GALNT7: variants seen among roughly 807,000 people sequenced by gnomAD.
GALNT7 encodes polypeptide N-acetylgalactosaminyltransferase 7.
GALNT7 carries 60 observed loss-of-function variants against 82.1 expected under a neutral mutation model. That is an observed-to-expected ratio of 0.73 (90% CI 0.59 to 0.91). The LOEUF is 0.91. Among genes scored for constraint, GALNT7 ranks in the 40% least tolerant of loss-of-function variants. The pLI, the probability that GALNT7 is intolerant of heterozygous loss-of-function variation, is 0.00. For synonymous variants in GALNT7, 243 were observed against 275.1 expected, an observed-to-expected ratio of 0.88 and a Z score of 1.15; for missense variants, 660 against 804.2, an observed-to-expected ratio of 0.82 and a Z score of 2.17.
intron 2 of GALNT7, among the ~76,000 whole-genome samples, chr4:173,272,560 G>A (rs1264322432): frequency 6.6e-6 from 1 of 152,058 alleles, no homozygotes; most frequent in Non-Finnish European, 1.5e-5. Context: ...TGACTCACTC[G>A]CCTCAGAAAG....
chr4:173,177,617 C>G (rs981955699), intron 1 of GALNT7, among the ~76,000 whole-genome samples: 1 of 152,146 alleles, frequency 6.6e-6, no homozygotes, highest in African/African-American at 2.4e-5. Context: ...ACGATATTGC[C>G]TAACCGTGAG....
chr4:173,168,832 G>A lies in GALNT7; in HGVS notation c.-4G>A, dbSNP rs200985806. ...GGCTGTGAGTCTCTCGCCGCCGGAG[G>A]AAGATGAGGCTGAAGATTGGGTTCA... is the stretch of plus-strand genomic sequence containing the variant. On this transcript the variant is annotated 5_prime_UTR_variant, in exon 1 of 12. Coordinates refer to ENST00000265000, the MANE Select transcript of GALNT7 (RefSeq NM_017423.3). 3.7e-6 allele frequency: 6 copies of A among 1,612,646 alleles called. No individual in the cohort carries two copies. The African/African-American group carries it at 4.0e-5, about 11-fold the overall frequency.
At chr4:173,196,892 C>A (rs1471518019) in intron 1 of GALNT7, among the ~76,000 whole-genome samples, 1 of 152,122 alleles carries the variant, frequency 6.6e-6, no homozygotes, top group Non-Finnish European at 1.5e-5. Context: ...GAGACACTTT[C>A]ACATTTGGAT....
chr4:173,174,282 T>C (rs1485363709), intron 1 of GALNT7, among the ~76,000 whole-genome samples: 1 of 152,194 alleles, frequency 6.6e-6, no homozygotes, highest in Non-Finnish European at 1.5e-5. Context: ...AGGTTGATAA[T>C]CAGAAGCTTT....
intron 1 of GALNT7, among the ~76,000 whole-genome samples, chr4:173,215,719 A>G (rs898117388): frequency 2.2e-4 from 34 of 152,090 alleles, no homozygotes; most frequent in African/African-American, 8.2e-4. Flanking sequence ...TATAAAATCC[A>G]CTCTTCTTTT....
At chr4:173,244,364 T>C (rs1734540504) in intron 1 of GALNT7, among the ~76,000 whole-genome samples, 1 of 152,232 alleles carries the variant, frequency 6.6e-6, no homozygotes, top group South Asian at 2.1e-4. Context: ...GGCAGTGGGC[T>C]ACTGCTGGAA....
At chr4:173,284,787 A>T (rs1218066354) in intron 2 of GALNT7, among the ~76,000 whole-genome samples, 1 of 147,230 alleles carries the variant, frequency 6.8e-6, no homozygotes, top group East Asian at 1.9e-4. Flanking sequence ...TAGAGAGCCA[A>T]ATTTACCCTT....
At chr4:173,203,812 A>C (rs569935173) in intron 1 of GALNT7, among the ~76,000 whole-genome samples, 1 of 152,138 alleles carries the variant, frequency 6.6e-6, no homozygotes, top group Non-Finnish European at 1.5e-5. Context: ...AACAAATTAC[A>C]TTGTAGCTAT....
intron 1 of GALNT7, among the ~76,000 whole-genome samples, chr4:173,194,573 C>G (rs1732720574): frequency 6.6e-6 from 1 of 152,106 alleles, no homozygotes; most frequent in Non-Finnish European, 1.5e-5. Flanking sequence ...GCAGTTGTTT[C>G]AGAGGCGGTT....
At chr4:173,297,940 GA>G in intron 5 of GALNT7, 174 bp from the exon 6 acceptor site, 3 of 1,482,766 alleles carry the variant, frequency 2.0e-6, no homozygotes, top group Admixed American at 2.6e-5. Context: ...AAGCCACAAG[GA>G]AAAGGCCAAA....
intron 2 of GALNT7, among the ~76,000 whole-genome samples, chr4:173,250,527 T>C (rs966339498): frequency 1.3e-5 from 2 of 152,102 alleles, no homozygotes; most frequent in Non-Finnish European, 2.9e-5. Flanking sequence ...TGAGGTCCGC[T>C]TCTTTCCTCT....
chr4:173,289,809 T>G (rs752370475), intron 2 of GALNT7, among the ~76,000 whole-genome samples: 4 of 152,142 alleles, frequency 2.6e-5, no homozygotes, highest in Non-Finnish European at 4.4e-5. Context: ...GCCTGAGTTT[T>G]TTTTTTCCCC....
At chr4:173,254,077 A>C (rs1278082156) in intron 2 of GALNT7, among the ~76,000 whole-genome samples, 1 of 152,184 alleles carries the variant, frequency 6.6e-6, no homozygotes, top group African/African-American at 2.4e-5. Context: ...CACCTTTTGC[A>C]TTTCTGTTTT....
chr4:173,292,139 C>T lies in GALNT7; in HGVS notation c.619C>T (p.Leu207Phe), dbSNP rs1051627824. The change falls in exon 3 of 12, where the codon CTC becomes TTC. Residue 207 changes from leucine (L) to phenylalanine (F), a missense_variant. Leu to Phe is a conservative substitution (Grantham distance 22). Coordinates refer to ENST00000265000, the MANE Select transcript of GALNT7 (RefSeq NM_017423.3). This position sits in a 1 kb window ranked among gnomAD's most constrained non-coding sequence, Gnocchi z 4.8. ...GTATTGGCATTATGATGAAAACTTGCTCACTTCGAGCGTTGTCATTGTCTT... is the reference window on the plus strand; with the variant it reads ...GTATTGGCATTATGATGAAAACTTGTTCACTTCGAGCGTTGTCATTGTCTT... ...CKYWHYDENLLTSSVVIVFHN... is the reference protein window; with the variant it reads ...CKYWHYDENLFTSSVVIVFHN... 6.2e-7 allele frequency: 1 copy of T among 1,609,418 alleles called. No homozygotes were observed. Among genetic ancestry groups the T allele is most frequent in the Non-Finnish European group, 8.5e-7 (1 of 1,177,702 alleles).
intron 2 of GALNT7, among the ~76,000 whole-genome samples, chr4:173,276,737 C>T (rs1735927883): frequency 6.6e-6 from 1 of 152,144 alleles, no homozygotes; most frequent in Non-Finnish European, 1.5e-5. Flanking sequence ...AAAACAGATT[C>T]TGTGTTTGCC....
intron 1 of GALNT7, among the ~76,000 whole-genome samples, chr4:173,209,851 A>T (rs1165875364): frequency 1.3e-5 from 2 of 152,196 alleles, no homozygotes; most frequent in Non-Finnish European, 1.5e-5. Context: ...CGAAACACTC[A>T]TGGCTGGGTG....
intron 1 of GALNT7, among the ~76,000 whole-genome samples, chr4:173,173,567 G>A (rs764125956): frequency 4.6e-5 from 7 of 152,186 alleles, no homozygotes; most frequent in Non-Finnish European, 7.3e-5. Flanking sequence ...GTTTGGGGAT[G>A]AAACTGTTCC....
At chr4:173,304,211 G>C in intron 8 of GALNT7, 93 bp downstream of exon 8, 1 of 1,006,380 alleles carries the variant, frequency 9.9e-7, no homozygotes, top group Non-Finnish European at 1.5e-6. Flanking sequence ...CTTATTGAGT[G>C]GGCTCTTCAG....
At chr4:173,307,994 A>T (rs1233971535) in intron 8 of GALNT7, among the ~76,000 whole-genome samples, 1 of 152,212 alleles carries the variant, frequency 6.6e-6, no homozygotes, top group African/African-American at 2.4e-5. Flanking sequence ...GGCCTCTGGA[A>T]ACTATGGTAG....
Sources: allele counts gnomAD v4.1 joint callset (sites outside exome capture counted in the v4.1 genomes callset), GRCh38; gene constraint gnomAD v4.1.1; non-coding constraint Gnocchi (gnomAD v3.1); transcripts MANE v1.5; gene names NCBI Gene and HGNC (gene_info 2026-07-23, HGNC 2026-07-21).